The following ELOVL2 variants were observed in gnomAD, a reference collection of about 807,000 sequenced individuals.
The protein encoded by ELOVL2 is ELOVL fatty acid elongase 2.
ELOVL2 carries 38 observed loss-of-function variants against 37.7 expected under a neutral mutation model. The observed-to-expected ratio is 1.01, with a 90% CI of 0.78 to 1.32. The LOEUF (loss-of-function observed/expected upper bound fraction) is 1.32, where lower values mean the gene tolerates loss of function less well. Ranked by LOEUF, ELOVL2 falls within the 40% of genes most tolerant of loss-of-function variation. The pLI is 0.00. For missense variants in ELOVL2, 352 were observed against 363.6 expected, an observed-to-expected ratio of 0.97 and a Z score of 0.26; for synonymous variants, 115 against 122.3, an observed-to-expected ratio of 0.94 and a Z score of 0.40.
intron 3 of ELOVL2, among the ~76,000 whole-genome samples, chr6:11,000,695 A>C (rs558537577): frequency 6.6e-6 from 1 of 152,316 alleles, no homozygotes; most frequent in East Asian, 1.9e-4. Flanking sequence ...TGGTTAATTG[A>C]TTAATGTCTG....
At chr6:11,015,165 T>G (rs2113531109) in intron 1 of ELOVL2, among the ~76,000 whole-genome samples, 1 of 152,294 alleles carries the variant, frequency 6.6e-6, no homozygotes, top group South Asian at 2.1e-4. Flanking sequence ...TAACTTATAG[T>G]GACAGAGAGG....
chr6:11,002,688 C>G (rs186002949), intron 3 of ELOVL2, among the ~76,000 whole-genome samples: 1 of 152,326 alleles, frequency 6.6e-6, no homozygotes, highest in African/African-American at 2.4e-5. Flanking sequence ...CGTTGTTCAA[C>G]AACTAAACGG....
chr6:10,990,178 TTTAATTC>T (rs1373146542), intron 6 of ELOVL2, 133 bp downstream of exon 6: 2 of 1,024,194 alleles, frequency 2.0e-6, no homozygotes, highest in Non-Finnish European at 2.8e-6. Flanking sequence ...ACACAAAAAG[TTTAATTC>T]TTAAAAGGCC....
At position 11,044,017 on chromosome 6, in the gene ELOVL2, G is replaced by A. The variant is rs995287659; in HGVS notation, c.3+211C>T. 4.0e-5 allele frequency among the ~76,000 whole-genome samples: 6 copies of A among 151,454 alleles called. No homozygotes were observed. The highest frequency in any genetic ancestry group is 7.4e-5 in the Non-Finnish European group (5 of 67,770). On this transcript the variant is annotated intron_variant, in intron 1 of 7. Coordinates refer to ENST00000354666, the MANE Select transcript of ELOVL2 (RefSeq NM_017770.4). The surrounding 1 kb of genome is among the most constrained non-coding windows in gnomAD (Gnocchi z 5.6). ...CGAGACAAAGTTCCCGAGACCCGCG[G>A]GCCTCGGGCCGACCCGCGCGCCCCC...
intron 1 of ELOVL2, among the ~76,000 whole-genome samples, chr6:11,014,485 AAACAAC>A (rs528121638): frequency 2.0e-5 from 3 of 150,094 alleles, no homozygotes; most frequent in Non-Finnish European, 1.5e-5. Context: ...TCAAAAAAAC[AAACAAC>A]AACAACAACA....
At chr6:11,036,447 A>AG (rs1427344064) in intron 1 of ELOVL2, among the ~76,000 whole-genome samples, 2 of 152,180 alleles carry the variant, frequency 1.3e-5, no homozygotes, top group Non-Finnish European at 2.9e-5. Context: ...GCCAAAGGAA[A>AG]GGGGGCATTC....
chr6:10,994,605 G>A (rs1380572664), intron 5 of ELOVL2, among the ~76,000 whole-genome samples: 2 of 152,106 alleles, frequency 1.3e-5, no homozygotes, highest in African/African-American at 2.4e-5. Flanking sequence ...TTTTCAGAAT[G>A]TGAAAACAAG....
chr6:11,009,753 C>T lies in ELOVL2; in HGVS notation c.67+993G>A, dbSNP rs377025838. On this transcript the variant is annotated intron_variant, in intron 2 of 7. Coordinates refer to ENST00000354666, the MANE Select transcript of ELOVL2 (RefSeq NM_017770.4). ...GCTGGGGTTAGACAGCCCAAGGGTG[C>T]GCAGTCCATGATAAGAAGTTTGGTT... Among the ~76,000 whole-genome samples the T allele has an allele frequency of 9.2e-5, 14 of 152,240 alleles. No individual in the cohort carries two copies. The East Asian group carries it at 1.7e-3, about 19-fold the overall frequency.
chr6:10,987,887 CTT>C (rs201001533), intron 7 of ELOVL2, among the ~76,000 whole-genome samples: 4 of 144,710 alleles, frequency 2.8e-5, no homozygotes, highest in Non-Finnish European at 3.1e-5. Flanking sequence ...CTCATTTTCA[CTT>C]TTTTTTTTTT....
At chr6:11,002,365 G>A (rs1054347257) in intron 3 of ELOVL2, among the ~76,000 whole-genome samples, 5 of 152,116 alleles carry the variant, frequency 3.3e-5, no homozygotes, top group East Asian at 1.9e-4. Flanking sequence ...TAATTATTGC[G>A]GTGATTTTCT....
intron 5 of ELOVL2, 109 bp from the exon 6 acceptor site, chr6:10,990,551 A>G: frequency 1.9e-6 from 2 of 1,052,298 alleles, no homozygotes; most frequent in South Asian, 2.1e-5. Context: ...AGTAGCACAT[A>G]TGACATGATC....
At chr6:11,014,434 G>T (rs927618416) in intron 1 of ELOVL2, among the ~76,000 whole-genome samples, 1 of 149,366 alleles carries the variant, frequency 6.7e-6, no homozygotes, top group Admixed American at 6.7e-5. Context: ...AGCTGAGATC[G>T]CACCACTGCA....
At chr6:11,030,382 T>G (rs1782907967) in intron 1 of ELOVL2, among the ~76,000 whole-genome samples, 1 of 152,208 alleles carries the variant, frequency 6.6e-6, no homozygotes, top group Non-Finnish European at 1.5e-5. Flanking sequence ...GATCCTTATT[T>G]TTAACTTGGG....
chr6:11,041,591 T>C (rs1273804358), intron 1 of ELOVL2, among the ~76,000 whole-genome samples: 1 of 152,318 alleles, frequency 6.6e-6, no homozygotes, highest in South Asian at 2.1e-4. Context: ...TCATCTTTGG[T>C]TGGTTCATTG....
intron 1 of ELOVL2, among the ~76,000 whole-genome samples, chr6:11,018,183 T>C (rs1782713655): frequency 6.6e-6 from 1 of 152,198 alleles, no homozygotes; most frequent in African/African-American, 2.4e-5. Flanking sequence ...TTAACATGAA[T>C]AGAATGAACC....
intron 1 of ELOVL2, among the ~76,000 whole-genome samples, chr6:11,016,763 A>G (rs1475685246): frequency 6.6e-6 from 1 of 152,178 alleles, no homozygotes; most frequent in Non-Finnish European, 1.5e-5. Flanking sequence ...CCAGTCTCTC[A>G]TGTATTTGAA....
chr6:10,996,115 C>T lies in ELOVL2; in HGVS notation c.334-937G>A, dbSNP rs1217667139. On this transcript the variant is annotated intron_variant, in intron 4 of 7. Transcript: ENST00000354666. ...TTTAGTTAAAGGCACTGTGTTTTTA[C>T]CACTAACATTAAACATAAGATATTT... Among the ~76,000 whole-genome samples, 4 of 142,898 alleles carry T rather than the reference C, an allele frequency of 2.8e-5. No individual in the cohort carries two copies. The Admixed American group carries it at 3.0e-4, about 11-fold the overall frequency. 93.7% of individuals were successfully genotyped at this position (142,898 alleles called of 152,430 possible).
At position 11,005,401 on chromosome 6, in the gene ELOVL2, T is replaced by C; in HGVS notation, c.226A>G (p.Thr76Ala). 1 of 1,613,884 alleles carries C rather than the reference T, an allele frequency of 6.2e-7. No individual in the cohort carries two copies. Among genetic ancestry groups the C allele is most frequent in the African/African-American group, 1.3e-5 (1 of 75,038 alleles). ...GCCAGCATGTACGCGGAGAGAAGTG[T>C]GATTCCAAGATTATACAAGGTGAGG... ...GILTLYNLGITLLSAYMLAEL... is the reference protein window; with the variant it reads ...GILTLYNLGIALLSAYMLAEL... Residue 76 changes from threonine (T) to alanine (A), a missense_variant, in exon 3 of 8, where the codon ACA (threonine) becomes GCA (alanine). By Grantham distance (58) the Thr-to-Ala change is moderately conservative. Coordinates refer to ENST00000354666, the MANE Select transcript of ELOVL2 (RefSeq NM_017770.4).
chr6:11,008,010 T>G (rs567244078), intron 2 of ELOVL2, among the ~76,000 whole-genome samples: 135 of 152,262 alleles, frequency 8.9e-4, no homozygotes, highest in African/African-American at 3.0e-3. Flanking sequence ...ACTTGAGAAG[T>G]GTTAGCTCTT....
Sources: allele counts gnomAD v4.1 joint callset (sites outside exome capture counted in the v4.1 genomes callset), GRCh38; gene constraint gnomAD v4.1.1; non-coding constraint Gnocchi (gnomAD v3.1); transcripts MANE v1.5; gene names NCBI Gene and HGNC (gene_info 2026-07-23, HGNC 2026-07-21).